Variants in ANKS1B observed in about 807,000 individuals in gnomAD.
ANKS1B encodes ankyrin repeat and sterile alpha motif domain-containing protein 1B.
In ANKS1B, 36 loss-of-function variants were observed where a neutral mutation model predicts 148.3. The observed-to-expected ratio is 0.24, with a 90% confidence interval of 0.19 to 0.32. ANKS1B has a LOEUF of 0.32. ANKS1B is among the 10% of genes least tolerant of loss of function. ANKS1B has a pLI of 1.00. For missense variants in ANKS1B, 1,157 were observed against 1,542.6 expected, an observed-to-expected ratio of 0.75 and a Z score of 4.19; for synonymous variants, 542 against 560.8, an observed-to-expected ratio of 0.97 and a Z score of 0.47.
At chr12:98,827,725 T>G (rs2099261286) in intron 19 of ANKS1B, among the ~76,000 whole-genome samples, 1 of 152,200 alleles carries the variant, frequency 6.6e-6, no homozygotes, top group African/African-American at 2.4e-5. Context: ...GAGGTAATTC[T>G]GCTATACTGC....
At chr12:99,497,629 G>A (rs1280951425) in intron 10 of ANKS1B, among the ~76,000 whole-genome samples, 1 of 151,976 alleles carries the variant, frequency 6.6e-6, no homozygotes, top group African/African-American at 2.4e-5. Flanking sequence ...TGGTCATATT[G>A]GATTAGGGTC....
intron 17 of ANKS1B, among the ~76,000 whole-genome samples, chr12:98,897,461 T>G (rs1211821708): frequency 1.3e-5 from 2 of 151,270 alleles, no homozygotes; most frequent in Non-Finnish European, 2.9e-5. Context: ...AACAAACACA[T>G]GAAAAATGCT....
chr12:99,669,436 T>C (rs2098525997), intron 8 of ANKS1B, among the ~76,000 whole-genome samples: 1 of 146,296 alleles, frequency 6.8e-6, no homozygotes, highest in South Asian at 2.2e-4. Flanking sequence ...TTGCTTTTAC[T>C]TTTTTTTTTT....
At chr12:99,960,812 G>A (rs1225670696) in intron 1 of ANKS1B, among the ~76,000 whole-genome samples, 1 of 152,168 alleles carries the variant, frequency 6.6e-6, no homozygotes, top group Admixed American at 6.5e-5. Context: ...AAAAGGAAGG[G>A]TAGGCATTCA....
chr12:98,895,614 G>A (rs1235329113), intron 17 of ANKS1B, among the ~76,000 whole-genome samples: 1 of 152,208 alleles, frequency 6.6e-6, no homozygotes, highest in African/African-American at 2.4e-5. Flanking sequence ...TCTCCTGTGG[G>A]ACTTGCGTTC....
At chr12:99,409,262 T>C (rs1413858182) in intron 11 of ANKS1B, among the ~76,000 whole-genome samples, 1 of 152,108 alleles carries the variant, frequency 6.6e-6, no homozygotes, top group African/African-American at 2.4e-5. Context: ...AAGACAAACA[T>C]TGCATGTTCT....
chr12:99,447,644 C>T (rs182100522), intron 10 of ANKS1B, among the ~76,000 whole-genome samples: 144 of 151,818 alleles, frequency 9.5e-4, no homozygotes, highest in African/African-American at 3.4e-3. Flanking sequence ...AGCAAAGGAA[C>T]CAATGAAGAG....
At chr12:99,615,232 G>C (rs1485715853) in intron 9 of ANKS1B, among the ~76,000 whole-genome samples, 3 of 151,882 alleles carry the variant, frequency 2.0e-5, no homozygotes, top group African/African-American at 7.3e-5. Context: ...CTCATGCATA[G>C]AAAAAAATCA....
At position 99,530,884 on chromosome 12, in the gene ANKS1B, AT is replaced by A. The variant is rs1202700290; in HGVS notation, c.1273-26244del. 1.1e-4 allele frequency among the ~76,000 whole-genome samples: 16 copies of A among 152,310 alleles called. No homozygotes were observed. In the East Asian group the frequency reaches 3.1e-3, roughly 29 times the overall value. ...AAAAATATGAATTTTATACTAATTT[AT>A]TCTTTAAAGCTTTCAAAGCCTCTCC... is the stretch of plus-strand genomic sequence containing the variant. On this transcript the variant is annotated intron_variant, in intron 9 of 26. Transcript: ENST00000683438.
chr12:99,131,660 A>G (rs989406552), intron 15 of ANKS1B, among the ~76,000 whole-genome samples: 26 of 152,240 alleles, frequency 1.7e-4, no homozygotes, highest in Middle Eastern at 3.4e-3. Context: ...GAGACTGTAA[A>G]TTATCCTGTA....
chr12:99,250,555 C>T (rs2074448613), intron 12 of ANKS1B, among the ~76,000 whole-genome samples: 1 of 152,242 alleles, frequency 6.6e-6, no homozygotes, highest in African/African-American at 2.4e-5. Flanking sequence ...CTACCAAATT[C>T]AGGCCATTCT....
chr12:99,264,407 TC>T (rs1160918149), intron 12 of ANKS1B, among the ~76,000 whole-genome samples: 1 of 152,166 alleles, frequency 6.6e-6, no homozygotes, highest in African/African-American at 2.4e-5. Flanking sequence ...GACTTGGGTT[TC>T]TCATGATCCA....
At chr12:99,779,754 A>T in intron 6 of ANKS1B, 117 bp downstream of exon 6, 1 of 728,002 alleles carries the variant, frequency 1.4e-6, no homozygotes. Flanking sequence ...AGAAAAAAAT[A>T]AAACTAGTAA....
intron 17 of ANKS1B, among the ~76,000 whole-genome samples, chr12:98,992,191 T>C (rs1052911952): frequency 6.6e-6 from 1 of 152,186 alleles, no homozygotes; most frequent in Non-Finnish European, 1.5e-5. Flanking sequence ...TTCCTCAAAA[T>C]GCCACACTCT....
chr12:99,816,928 G>A (rs907245863), intron 2 of ANKS1B, among the ~76,000 whole-genome samples: 5 of 151,474 alleles, frequency 3.3e-5, no homozygotes, highest in African/African-American at 1.2e-4. Context: ...ATATTTTGGG[G>A]ATGCATGTAA....
At chr12:98,861,636 A>G (rs1294037200) in intron 17 of ANKS1B, among the ~76,000 whole-genome samples, 1 of 152,278 alleles carries the variant, frequency 6.6e-6, no homozygotes, top group African/African-American at 2.4e-5. Flanking sequence ...TCATCTTAGA[A>G]AAGAACTTAA....
intron 17 of ANKS1B, among the ~76,000 whole-genome samples, chr12:98,851,298 G>T (rs2099524032): frequency 6.6e-6 from 1 of 152,166 alleles, no homozygotes; most frequent in Non-Finnish European, 1.5e-5. Context: ...GGTTCAGAGT[G>T]GTGTGAAAAG....
At chr12:99,406,986 C>A (rs997888032) in intron 11 of ANKS1B, among the ~76,000 whole-genome samples, 3 of 145,404 alleles carry the variant, frequency 2.1e-5, no homozygotes, top group Non-Finnish European at 1.5e-5. Flanking sequence ...TCAAACTATG[C>A]CAAGAAATGG....
chr12:99,381,370 G>A (rs1055314749), intron 12 of ANKS1B, among the ~76,000 whole-genome samples: 2 of 152,178 alleles, frequency 1.3e-5, no homozygotes, highest in African/African-American at 4.8e-5. Context: ...ATCAGTATGC[G>A]ATTTGGCAAT....
Sources: allele counts gnomAD v4.1 joint callset (sites outside exome capture counted in the v4.1 genomes callset), GRCh38; gene constraint gnomAD v4.1.1; transcripts MANE v1.5; gene names NCBI Gene and HGNC (gene_info 2026-07-23, HGNC 2026-07-21).